Variants in CLGN observed in about 807,000 individuals in gnomAD.
CLGN encodes testis tissue sperm-binding protein Li 79P.
A neutral mutation model predicts 79.1 loss-of-function variants in CLGN; 62 were observed. That is an observed-to-expected ratio of 0.78 (90% CI 0.64 to 0.97). The LOEUF (loss-of-function observed/expected upper bound fraction) is 0.97, where lower values mean the gene tolerates loss of function less well. Among genes scored for constraint, CLGN ranks in the 50% least tolerant of loss-of-function variants. The pLI is 0.00. For missense variants in CLGN, 647 were observed against 715.5 expected, an observed-to-expected ratio of 0.90 and a Z score of 1.09; for synonymous variants, 225 against 224.7, an observed-to-expected ratio of 1.00 and a Z score of -0.01.
At chr4:140,396,371 T>C (rs1728874132) in intron 8 of CLGN, among the ~76,000 whole-genome samples, 166 bp from the exon 9 acceptor site, 1 of 152,216 alleles carries the variant, frequency 6.6e-6, no homozygotes, top group Non-Finnish European at 1.5e-5. Context: ...CAATTTTTGG[T>C]ACATATTCCC....
intron 12 of CLGN, 66 bp downstream of exon 12, chr4:140,392,515 CTTAAT>C (rs747005595): frequency 6.6e-6 from 10 of 1,510,216 alleles, no homozygotes; most frequent in Non-Finnish European, 8.9e-6. Flanking sequence ...TTAAGAATCG[CTTAAT>C]TTATAGAACT....
chr4:140,414,371 A>G (rs1729280413), intron 1 of CLGN, among the ~76,000 whole-genome samples: 1 of 151,438 alleles, frequency 6.6e-6, no homozygotes, highest in African/African-American at 2.4e-5. Flanking sequence ...ACGAGCTGAG[A>G]GAAGAAGGCT....
intron 13 of CLGN, among the ~76,000 whole-genome samples, chr4:140,391,710 G>A (rs1159803126): frequency 6.6e-6 from 1 of 151,822 alleles, no homozygotes; most frequent in Non-Finnish European, 1.5e-5. Context: ...ATCTTCAAGA[G>A]TTTAACATAG....
rs1246041101 is a variant in CLGN, at chr4:140,396,872, T to TAC, written c.885-669_885-668dup. ...CATGCCTGGCTGGAGCATATATATATACATATATATATATATATGTATATA... is the reference window on the plus strand; with the variant it reads ...CATGCCTGGCTGGAGCATATATATATACACATATATATATATATATGTATATA... On this transcript the variant is annotated intron_variant, in intron 8 of 14. Coordinates refer to ENST00000325617, the MANE Select transcript of CLGN (RefSeq NM_004362.3). Among the ~76,000 whole-genome samples the TAC allele has an allele frequency of 4.0e-4, 15 of 37,490 alleles. 1 individual carries two copies. The highest frequency in any genetic ancestry group is 8.8e-4 in the South Asian group (1 of 1,134). 24.6% of individuals were successfully genotyped at this position (37,490 alleles called of 152,430 possible). A position where few individuals can be genotyped will look rare whatever the true frequency, so the allele number is the denominator to read the frequency against.
At chr4:140,417,050 G>A (rs1417886688) in intron 1 of CLGN, among the ~76,000 whole-genome samples, 20 of 149,910 alleles carry the variant, frequency 1.3e-4, no homozygotes, top group East Asian at 2.0e-4. Context: ...TTCAATATAC[G>A]CAAATCAATA....
At chr4:140,404,902 C>T (rs1729070512) in intron 5 of CLGN, among the ~76,000 whole-genome samples, 1 of 151,962 alleles carries the variant, frequency 6.6e-6, no homozygotes, top group South Asian at 2.1e-4. Context: ...GCTGTCTGCC[C>T]ACCTAGGCCT....
At chr4:140,399,121 C>CATGGAGTTAAGGGTAG in intron 7 of CLGN, 81 bp from the exon 8 acceptor site, 4 of 1,181,920 alleles carry the variant, frequency 3.4e-6, no homozygotes, top group Non-Finnish European at 3.5e-6. Flanking sequence ...TGTAACTACC[C>CATGGAGTTAAGGGTAG]TTAACTCCAT....
intron 1 of CLGN, among the ~76,000 whole-genome samples, chr4:140,418,676 T>A (rs979406259): frequency 9.2e-5 from 14 of 151,698 alleles, no homozygotes; most frequent in Non-Finnish European, 1.0e-4. Context: ...CCAGTTAGAA[T>A]GGCAATCATT....
At position 140,395,151 on chromosome 4, in the gene CLGN, G is replaced by T. The variant is rs867383059; in HGVS notation, c.1149+668C>A. Among the ~76,000 whole-genome samples the T allele has an allele frequency of 2.1e-3, 184 of 89,378 alleles. 2 individuals carry two copies. The highest frequency in any genetic ancestry group is 5.3e-3 in the Middle Eastern group (1 of 188). The allele number at this position is 89,378 out of a possible 152,430, so 58.6% of individuals were successfully genotyped here. Reference sequence around the variant, plus strand: ...AAGATCACGCCAGGCCAGGTTTTTTGTTTTTTTGTTTTTTTGTTTTGAGTC... The same window carrying T: ...AAGATCACGCCAGGCCAGGTTTTTTTTTTTTTTGTTTTTTTGTTTTGAGTC... On this transcript the variant is annotated intron_variant, in intron 10 of 14. Transcript: ENST00000325617.
chr4:140,398,825 G>A, intron 8 of CLGN, 26 bp downstream of exon 8: 3 of 1,602,542 alleles, frequency 1.9e-6, no homozygotes, highest in Non-Finnish European at 2.6e-6. Flanking sequence ...GCCAGATAAT[G>A]CTTTGCTACC....
chr4:140,413,207 CA>C, intron 1 of CLGN, 120 bp from the exon 2 acceptor site: 1 of 702,244 alleles, frequency 1.4e-6, no homozygotes, highest in Non-Finnish European at 2.3e-6. Flanking sequence ...GCTTTTAAAA[CA>C]AATCACTGAC....
chr4:140,414,777 C>T (rs1261389897), intron 1 of CLGN, among the ~76,000 whole-genome samples: 6 of 149,332 alleles, frequency 4.0e-5, no homozygotes, highest in East Asian at 1.9e-4. Context: ...AAACACTCTG[C>T]AGGATATTAC....
At chr4:140,415,520 T>C (rs1187411703) in intron 1 of CLGN, among the ~76,000 whole-genome samples, 2 of 151,308 alleles carry the variant, frequency 1.3e-5, no homozygotes, top group Non-Finnish European at 2.9e-5. Flanking sequence ...ACCAAGCAAA[T>C]GAAAAACAAA....
chr4:140,396,268 CT>C, intron 8 of CLGN, 63 bp from the exon 9 acceptor site: 2 of 1,241,626 alleles, frequency 1.6e-6, no homozygotes, highest in Non-Finnish European at 2.4e-6. Flanking sequence ...TGTTACAACA[CT>C]AAGAAGGTAC....
chr4:140,416,612 C>A (rs7658038), intron 1 of CLGN, among the ~76,000 whole-genome samples: 122,391 of 147,466 alleles, frequency 0.83, 50,927 homozygotes, highest in African/African-American at 0.85. Context: ...GAAATGGATA[C>A]ATTCCTCGAC....
chr4:140,405,546 T>C (rs1729091003), intron 5 of CLGN, among the ~76,000 whole-genome samples: 1 of 152,240 alleles, frequency 6.6e-6, no homozygotes, highest in African/African-American at 2.4e-5. Context: ...ATATAGTTTA[T>C]GACAGCAGAA....
chr4:140,405,551 G>A (rs1022991120), intron 5 of CLGN, among the ~76,000 whole-genome samples: 80 of 152,296 alleles, frequency 5.3e-4, no homozygotes, highest in Non-Finnish European at 6.8e-4. Flanking sequence ...GTTTATGACA[G>A]CAGAATTGTA....
intron 1 of CLGN, among the ~76,000 whole-genome samples, chr4:140,422,015 C>T (rs1729480006): frequency 6.6e-6 from 1 of 152,186 alleles, no homozygotes; most frequent in South Asian, 2.1e-4. Context: ...CCAGTTTCCC[C>T]AATATCATCT....
At position 140,410,626 on chromosome 4, in the gene CLGN, T is replaced by C. The variant is rs1351166422; in HGVS notation, c.145A>G (p.Ile49Val). The C allele has an allele frequency of 7.8e-6, 12 of 1,539,432 alleles. No homozygotes were observed. Among genetic ancestry groups the C allele is most frequent in the Non-Finnish European group, 1.1e-5 (12 of 1,118,526 alleles). Residue 49 changes from isoleucine to valine, a missense_variant and splice_region_variant, in exon 3 of 15, where the codon ATT becomes GTT. Ile to Val is a conservative substitution (Grantham distance 29, BLOSUM62 3). Transcript: ENST00000325617. ...ATAGGTTGAGGTGTCTTATATTTAA[T>C]CTAGAAAAGAGATTTTCCAAGTCTA... is the stretch of plus-strand genomic sequence containing the variant. ...DVNESELSSE[I>V]KYKTPQPIGE...
Sources: gnomAD v4.1 joint callset for allele counts (sites outside exome capture counted in the v4.1 genomes callset) on GRCh38, gnomAD v4.1.1 for gene constraint, MANE v1.5 for transcripts, NCBI Gene and HGNC (gene_info 2026-07-23, HGNC 2026-07-21) for gene names.